Variants in GPR161 observed in about 807,000 individuals in gnomAD.
GPR161 encodes the protein G protein-coupled receptor 161, also known as G-protein coupled receptor RE2.
In GPR161, 25 loss-of-function variants were observed where a neutral mutation model predicts 39.2. That is an observed-to-expected ratio of 0.64 (90% CI 0.47 to 0.89). The LOEUF is 0.89. GPR161 is among the 40% of genes least tolerant of loss of function. GPR161 has a pLI of 0.00. For missense variants in GPR161, 547 were observed against 677.8 expected (o/e 0.81, Z 2.14); for synonymous variants, 286 against 276.6 (o/e 1.03, Z -0.34).
In GPR161 at chr1:168,120,537, A is replaced by C. The variant is rs543784782; in HGVS notation, c.-44-15643T>G. Among the ~76,000 whole-genome samples the C allele has an allele frequency of 2.0e-5, 3 of 152,214 alleles. No homozygotes were observed. The South Asian group carries it at 6.2e-4, about 32-fold the overall frequency. ...CCATGGGGGACTGTTGGGAAGGGAT[A>C]ATTGGTTTTGAAATGTGAAAAGGAC... is the stretch of plus-strand genomic sequence containing the variant. On this transcript the variant is annotated intron_variant, in intron 1 of 5. Transcript: ENST00000682931.
chr1:168,084,258 C>T lies in GPR161; in HGVS notation c.*1273G>A, dbSNP rs1387520448. 6.0e-6 allele frequency: 1 copy of T among 166,660 alleles called. No individual in the cohort carries two copies. Among genetic ancestry groups the T allele is most frequent in the African/African-American group, 2.4e-5 (1 of 41,494 alleles). 10.3% of individuals were successfully genotyped at this position (166,660 alleles called of 1,614,324 possible). The stretch of plus-strand genomic sequence containing the variant: ...GCCACAGAACCTTGATCTGCCTGCA[C>T]TTCACATGTGCATGAGCAACCACAC... On this transcript the variant is annotated 3_prime_UTR_variant, in exon 6 of 6. Coordinates refer to ENST00000682931, the MANE Select transcript of GPR161 (RefSeq NM_001375883.1).
At position 168,085,182 on chromosome 1, in the gene GPR161, G is replaced by A. The variant is rs1486037956; in HGVS notation, c.*349C>T. 3 of 445,352 alleles carry A rather than the reference G, an allele frequency of 6.7e-6. No homozygotes were observed. The highest frequency in any genetic ancestry group is 1.3e-5 in the Non-Finnish European group (3 of 229,502). 27.6% of individuals were successfully genotyped at this position (445,352 alleles called of 1,614,324 possible). A position where few individuals can be genotyped will look rare whatever the true frequency, so the allele number is the denominator to read the frequency against. ...GAAGAGGAGGAAATGATGCATGTGG[G>A]GGTCTCCTTCCAAGCCCTTCGTCTC... is the stretch of plus-strand genomic sequence containing the variant. On this transcript the variant is annotated 3_prime_UTR_variant, in exon 6 of 6. Transcript: ENST00000682931.
At chr1:168,134,927 T>A in intron 1 of GPR161, 1 of 1,535,640 alleles carries the variant, frequency 6.5e-7, no homozygotes, top group South Asian at 1.2e-5. Context: ...GACATTTAGG[T>A]CAGTTCCAGT....
chr1:168,092,820 TGTTTTCCCCTG>T (rs980613328), intron 3 of GPR161, among the ~76,000 whole-genome samples: 11 of 152,146 alleles, frequency 7.2e-5, no homozygotes, highest in African/African-American at 2.7e-4. Flanking sequence ...TGGAGCGAGG[TGTTTTCCCCTG>T]GACAAACGTG....
chr1:168,084,767 ATT>A lies in GPR161; in HGVS notation c.*762_*763del, dbSNP rs111490882. The A allele has an allele frequency of 4.6e-6, 2 of 432,250 alleles. No homozygotes were observed. Among genetic ancestry groups the A allele is most frequent in the African/African-American group, 2.1e-5 (1 of 48,778 alleles). The allele number at this position is 432,250 out of a possible 1,614,324, so 26.8% of individuals were successfully genotyped here. A position where few individuals can be genotyped will look rare whatever the true frequency, so the allele number is the denominator to read the frequency against. On this transcript the variant is annotated 3_prime_UTR_variant, in exon 6 of 6. Transcript: ENST00000682931. ...TAAAACAGTGGTACGTCTTAAATGG[ATT>A]TTTTTTTTAATTCTGGAAATGAAAC... is the stretch of plus-strand genomic sequence containing the variant.
chr1:168,128,758 T>C (rs191068896), intron 1 of GPR161, among the ~76,000 whole-genome samples: 47 of 152,324 alleles, frequency 3.1e-4, no homozygotes, highest in Admixed American at 7.8e-4. Context: ...AAGCCCATAT[T>C]CCTAAAACTA....
intron 1 of GPR161, among the ~76,000 whole-genome samples, chr1:168,125,820 G>A (rs1351090246): frequency 6.6e-6 from 1 of 152,128 alleles, no homozygotes; most frequent in African/African-American, 2.4e-5. Context: ...GTTTCACCGT[G>A]TTAGCCAGGC....
intron 1 of GPR161, among the ~76,000 whole-genome samples, chr1:168,108,486 T>TAAAAAAAAAAAAAAAAAA (rs10670498): frequency 1.1e-3 from 20 of 17,470 alleles, no homozygotes; most frequent in Non-Finnish European, 1.4e-3. Flanking sequence ...GCCCTAGTTG[T>TAAAAAAAAAAAAAAAAAA]AAAAAAAAAA....
At chr1:168,094,815 C>T (rs892698300) in intron 3 of GPR161, among the ~76,000 whole-genome samples, 8 of 152,180 alleles carry the variant, frequency 5.3e-5, no homozygotes, top group African/African-American at 1.9e-4. Context: ...AGCTACTTGA[C>T]CTCAAAACTA....
Position 168,104,875 on chromosome 1 carries a change from G to A in GPR161, c.-25C>T. ...TGGTCAGTGCACCTCGGCGTGGGGT[G>A]GGCAGAGCATGCTGGACGACTGGAA... is the stretch of plus-strand genomic sequence containing the variant. On this transcript the variant is annotated 5_prime_UTR_variant, in exon 2 of 6. Transcript: ENST00000682931. 1 of 1,609,378 alleles carries A rather than the reference G, an allele frequency of 6.2e-7. No homozygotes were observed. The highest frequency in any genetic ancestry group is 1.1e-5 in the South Asian group (1 of 90,892).
intron 1 of GPR161, among the ~76,000 whole-genome samples, chr1:168,128,595 T>C (rs1698762770): frequency 6.6e-6 from 1 of 152,128 alleles, no homozygotes; most frequent in African/African-American, 2.4e-5. Flanking sequence ...TTCCATAACA[T>C]ACACATGCTC....
intron 1 of GPR161, chr1:168,136,489 C>A: frequency 7.9e-7 from 1 of 1,261,746 alleles, no homozygotes; most frequent in Non-Finnish European, 1.0e-6. Context: ...AGCCCCAGGC[C>A]GCAGGGGAGG....
At chr1:168,099,524 C>T (rs561676481) in intron 2 of GPR161, among the ~76,000 whole-genome samples, 2 of 152,310 alleles carry the variant, frequency 1.3e-5, no homozygotes, top group East Asian at 1.9e-4. Context: ...GTGCTGTCCT[C>T]TGCCAGATTT....
chr1:168,101,299 G>C (rs775779343), intron 2 of GPR161, among the ~76,000 whole-genome samples: 1 of 152,166 alleles, frequency 6.6e-6, no homozygotes, highest in Non-Finnish European at 1.5e-5. Context: ...TCTCAGCTGG[G>C]AACCCCTGGG....
At position 168,103,427 on chromosome 1, in the gene GPR161, G is replaced by GAAA. The variant is rs373919071; in HGVS notation, c.374+1047_374+1049dup. On this transcript the variant is annotated intron_variant, in intron 2 of 5. Transcript: ENST00000682931. ...TTCTGGATTACCTCTACTACTCAGG[G>GAAA]AAAAAAAAAAAAAAAGAGAAGCTAA... Among the ~76,000 whole-genome samples, 1,128 of 117,322 alleles carry GAAA rather than the reference G, an allele frequency of 9.6e-3. 10 individuals are homozygous for GAAA. The highest frequency in any genetic ancestry group is 0.032 in the African/African-American group (1,057 of 33,286). The allele number at this position is 117,322 out of a possible 152,430, so 77.0% of individuals were successfully genotyped here. A position where few individuals can be genotyped will look rare whatever the true frequency, so the allele number is the denominator to read the frequency against.
chr1:168,097,206 AC>A lies in GPR161; in HGVS notation c.400del (p.Val134CysfsTer4). On this transcript the variant is annotated frameshift_variant, in exon 3 of 6. Coordinates refer to ENST00000682931, the MANE Select transcript of GPR161 (RefSeq NM_001375883.1). LOFTEE classifies it high-confidence loss of function. ...DRYYAVLYPM[V>X]YPMKITGNRA... ...GTTCCCTGTGATCTTCATGGGGTAC[AC>A]CATGGGGTACAGGACAGCATAGTAG... 1.2e-6 allele frequency: 2 copies of A among 1,613,218 alleles called. No homozygotes were observed. Among genetic ancestry groups the A allele is most frequent in the Non-Finnish European group, 1.7e-6 (2 of 1,179,498 alleles).
intron 1 of GPR161, among the ~76,000 whole-genome samples, chr1:168,109,075 A>G (rs981119689): frequency 2.2e-4 from 34 of 152,214 alleles, no homozygotes; most frequent in African/African-American, 8.0e-4. Context: ...AAATTCCCCA[A>G]AATGCAGTCA....
chr1:168,126,147 C>T (rs1376599174), intron 1 of GPR161, among the ~76,000 whole-genome samples: 1 of 151,776 alleles, frequency 6.6e-6, no homozygotes, highest in Non-Finnish European at 1.5e-5. Flanking sequence ...CATTCACTCA[C>T]AGCAGCTTTC....
intron 2 of GPR161, among the ~76,000 whole-genome samples, chr1:168,101,162 G>A (rs1315921761): frequency 6.6e-6 from 1 of 150,672 alleles, no homozygotes; most frequent in Non-Finnish European, 1.5e-5. Context: ...AAGTTTTAGG[G>A]TACATGTGGA....
Sources: allele counts gnomAD v4.1 joint callset (sites outside exome capture counted in the v4.1 genomes callset), GRCh38; gene constraint gnomAD v4.1.1; transcripts MANE v1.5; gene names NCBI Gene and HGNC (gene_info 2026-07-23, HGNC 2026-07-21).